RARRES2: variants seen among roughly 807,000 people sequenced by gnomAD.
RARRES2 encodes the protein retinoic acid receptor responder protein 2.
A neutral mutation model predicts 17.9 loss-of-function variants in RARRES2; 12 were observed. The ratio of observed to expected loss-of-function variants is 0.67; its 90% CI spans 0.43 to 1.08. The LOEUF is 1.08. RARRES2 is among the 50% of genes least tolerant of loss of function. RARRES2 has a pLI of 0.00. For missense variants in RARRES2, 220 were observed against 210.1 expected (o/e 1.05, Z -0.29); for synonymous variants, 82 against 86.8 (o/e 0.94, Z 0.31).
intron 5 of RARRES2, 65 bp from the exon 6 acceptor site, chr7:150,338,504 CTCCCAGGCTTCT>C (rs1798390533): frequency 2.6e-6 from 4 of 1,517,938 alleles, no homozygotes; most frequent in Non-Finnish European, 3.5e-6. Flanking sequence ...CCCAGCTTTC[CTCCCAGGCTTCT>C]GACCTGTCCC....
Position 150,339,099 on chromosome 7 carries a change from G to C in RARRES2, c.280-18C>G, listed in dbSNP as rs1409102958. The C allele has an allele frequency of 6.4e-7, 1 of 1,570,516 alleles. No homozygotes were observed. The highest frequency in any genetic ancestry group is 1.7e-5 in the Admixed American group (1 of 59,918). On this transcript the variant is annotated intron_variant, in intron 3 of 5. Coordinates refer to ENST00000223271, the MANE Select transcript of RARRES2 (RefSeq NM_002889.4). Reference sequence around the variant, plus strand: ...CGTTTCCTCTGTGGGGGAGCGGGGAGCATGGGGTGAGCAGAGGAAAAGGGT... The same window carrying C: ...CGTTTCCTCTGTGGGGGAGCGGGGACCATGGGGTGAGCAGAGGAAAAGGGT...
At position 150,340,419 on chromosome 7, in the gene RARRES2, C is replaced by G; in HGVS notation, c.174+17G>C. On this transcript the variant is annotated intron_variant, in intron 2 of 5. Coordinates refer to ENST00000223271, the MANE Select transcript of RARRES2 (RefSeq NM_002889.4). ...GGGTACGACCCTCCCCGCTCCTGCC[C>G]GGGCCATGCTACTCACCGTGTCCAC... 1.9e-6 allele frequency: 3 copies of G among 1,583,980 alleles called. No individual in the cohort carries two copies. The highest frequency in any genetic ancestry group is 2.6e-6 in the Non-Finnish European group (3 of 1,161,846).
intron 3 of RARRES2, among the ~76,000 whole-genome samples, 177 bp downstream of exon 3, chr7:150,339,923 G>A (rs1798438685): frequency 6.6e-6 from 1 of 152,154 alleles, no homozygotes; most frequent in African/African-American, 2.4e-5. Context: ...CTTGGGCTCA[G>A]GCTGAGCCAC....
rs1798462922 is a variant in RARRES2, at chr7:150,340,625, T to C, written c.-16A>G. 6.7e-7 allele frequency: 1 copy of C among 1,488,884 alleles called. No individual in the cohort carries two copies. The highest frequency in any genetic ancestry group is 9.0e-7 in the Non-Finnish European group (1 of 1,116,972). The allele number at this position is 1,488,884 out of a possible 1,614,324, so 92.2% of individuals were successfully genotyped here. On this transcript the variant is annotated 5_prime_UTR_variant, in exon 2 of 6. Transcript: ENST00000223271. ...GCCGTCGCATGCTTCCGTGTCACCC[T>C]GGCCCTGCGAAGCGGGTGTGCGCCC...
chr7:150,339,726 C>G (rs1323903191), intron 3 of RARRES2, among the ~76,000 whole-genome samples: 1 of 152,076 alleles, frequency 6.6e-6, no homozygotes, highest in African/African-American at 2.4e-5. Flanking sequence ...TGACTGATGA[C>G]TGGAGTCCTG....
Position 150,338,605 on chromosome 7 carries a change from T to C in RARRES2, c.*10+10A>G. On this transcript the variant is annotated intron_variant, in intron 5 of 5. Transcript: ENST00000223271. Reference sequence around the variant, plus strand: ...CATCCAGACGGTGCTCTCAGCCCCCTGGTGCCTACCAGTGCTGGCTTAGCT... The same window carrying C: ...CATCCAGACGGTGCTCTCAGCCCCCCGGTGCCTACCAGTGCTGGCTTAGCT... 1.9e-6 allele frequency: 3 copies of C among 1,552,076 alleles called. No homozygotes were observed. The highest frequency in any genetic ancestry group is 2.4e-5 in the South Asian group (2 of 84,062).
chr7:150,341,124 C>G (rs1798479615), intron 1 of RARRES2: 1 of 153,336 alleles, frequency 6.5e-6, no homozygotes, highest in Non-Finnish European at 1.5e-5. Context: ...GGGCCGGAGG[C>G]CGAATACTTT....
chr7:150,339,433 C>T (rs918382100), intron 3 of RARRES2, among the ~76,000 whole-genome samples: 3 of 152,094 alleles, frequency 2.0e-5, no homozygotes, highest in African/African-American at 4.8e-5. Context: ...TGCTTGTGCT[C>T]GTGTGAAGGC....
chr7:150,340,256 G>C, intron 2 of RARRES2, 52 bp from the exon 3 acceptor site: 1 of 1,594,914 alleles, frequency 6.3e-7, no homozygotes, highest in African/African-American at 1.3e-5. Flanking sequence ...TGAGGGTGCA[G>C]AGCAAGCCCT....
chr7:150,341,353 T>C (rs1798485643), intron 1 of RARRES2: 1 of 152,488 alleles, frequency 6.6e-6, no homozygotes. Flanking sequence ...CTAGCCCTTC[T>C]GATCCGTCCC....
chr7:150,338,671 T>C lies in RARRES2; in HGVS notation c.446A>G (p.Tyr149Cys). The C allele has an allele frequency of 3.9e-6, 6 of 1,555,648 alleles. No homozygotes were observed. The highest frequency in any genetic ancestry group is 5.2e-6 in the Non-Finnish European group (6 of 1,149,134). Residue 149 changes from tyrosine to cysteine, a missense_variant, in exon 5 of 6, where the codon TAC becomes TGC. Physicochemically the swap from Tyr to Cys is radical, Grantham distance 194 (BLOSUM62 -2). Coordinates refer to ENST00000223271, the MANE Select transcript of RARRES2 (RefSeq NM_002889.4). The stretch of plus-strand genomic sequence containing the variant: ...GGAGAAGGCGAACTGTCCAGGGAAG[T>C]AGAAGCTGTGGGGGTCCTCACCAGC... ...QRAGEDPHSF[Y>C]FPGQFAFSKA...
Position 150,338,751 on chromosome 7 carries a change from C to G in RARRES2, c.376-10G>C. ...GGTGCTCCTCAGCCTCCTGCCAGTG[C>G]CCAAAACTGTTCAGGCAGTGTAGGA... On this transcript the variant is annotated splice_polypyrimidine_tract_variant and intron_variant, in intron 4 of 5. Coordinates refer to ENST00000223271, the MANE Select transcript of RARRES2 (RefSeq NM_002889.4). 1 of 1,559,004 alleles carries G rather than the reference C, an allele frequency of 6.4e-7. No homozygotes were observed. The highest frequency in any genetic ancestry group is 8.7e-7 in the Non-Finnish European group (1 of 1,150,972).
chr7:150,340,699 G>A (rs1798465505), intron 1 of RARRES2, 70 bp from the exon 2 acceptor site: 1 of 1,338,078 alleles, frequency 7.5e-7, no homozygotes, highest in African/African-American at 1.7e-5. Context: ...GCCCTGCTCT[G>A]GGGGGAGGGT....
Position 150,338,636 on chromosome 7 carries a change from G to T in RARRES2, c.481C>A (p.Pro161Thr). Residue 161 changes from proline (P) to threonine (T), a missense_variant, in exon 5 of 6, where the codon CCC (proline) becomes ACC (threonine). By Grantham distance (38) the Pro-to-Thr change is conservative (BLOSUM62 -1). Transcript: ENST00000223271. ...PGQFAFSKALPRS is the reference protein window; with the variant it reads ...PGQFAFSKALTRS Reference sequence around the variant, plus strand: ...CTACCAGTGCTGGCTTAGCTGCGGGGCAGGGCCTTGGAGAAGGCGAACTGT... The same window carrying T: ...CTACCAGTGCTGGCTTAGCTGCGGGTCAGGGCCTTGGAGAAGGCGAACTGT... The T allele has an allele frequency of 1.9e-6, 3 of 1,554,802 alleles. No homozygotes were observed. The highest frequency in any genetic ancestry group is 2.6e-6 in the Non-Finnish European group (3 of 1,148,582).
At position 150,340,122 on chromosome 7, in the gene RARRES2, TCG is replaced by T; in HGVS notation, c.255_256del (p.Glu86ValfsTer21). ...CACCCCATTGGGCCTGACTTTGCAC[TCG>T]GGTTTCTTCCAGTCCCTCTTCCGGC... is the stretch of plus-strand genomic sequence containing the variant. On this transcript the variant is annotated frameshift_variant, in exon 3 of 6. Transcript: ENST00000223271. LOFTEE classifies it high-confidence loss of function. 6.2e-7 allele frequency: 1 copy of T among 1,614,146 alleles called. No individual in the cohort carries two copies. Among genetic ancestry groups the T allele is most frequent in the Non-Finnish European group, 8.5e-7 (1 of 1,180,000 alleles).
Position 150,338,711 on chromosome 7 carries a change from G to A in RARRES2, c.406C>T (p.Leu136Phe), listed in dbSNP as rs976242528. The change falls in exon 5 of 6, where the codon CTC (leucine) becomes TTC (phenylalanine). Residue 136 changes from leucine (L) to phenylalanine (F), a missense_variant. Physicochemically the swap from Leu to Phe is conservative, Grantham distance 22 (BLOSUM62 0). Coordinates refer to ENST00000223271, the MANE Select transcript of RARRES2 (RefSeq NM_002889.4). ...TCCTCACCAGCCCGCTGCACCCTGAGGCACTGGGTCTCCTGGTGCTCCTCA... is the reference window on the plus strand; with the variant it reads ...TCCTCACCAGCCCGCTGCACCCTGAAGCACTGGGTCTCCTGGTGCTCCTCA... ...EAEEHQETQCLRVQRAGEDPH... is the reference protein window; with the variant it reads ...EAEEHQETQCFRVQRAGEDPH... The A allele has an allele frequency of 1.3e-6, 2 of 1,555,652 alleles. No homozygotes were observed. Among genetic ancestry groups the A allele is most frequent in the Non-Finnish European group, 1.7e-6 (2 of 1,149,200 alleles).
intron 1 of RARRES2, 34 bp from the exon 2 acceptor site, chr7:150,340,663 A>G: frequency 6.3e-6 from 9 of 1,431,736 alleles, no homozygotes; most frequent in Non-Finnish European, 8.2e-6. Context: ...CAGCTCTCCG[A>G]GCCAGCCCGA....
At chr7:150,338,560 A>G in intron 5 of RARRES2, 55 bp downstream of exon 5, 2 of 1,531,586 alleles carry the variant, frequency 1.3e-6, no homozygotes, top group Non-Finnish European at 1.8e-6. Flanking sequence ...CCAGCCCCTC[A>G]GCATTCCCAG....
At position 150,338,361 on chromosome 7, in the gene RARRES2, T is replaced by C. The variant is rs1380746136; in HGVS notation, c.*89A>G. On this transcript the variant is annotated 3_prime_UTR_variant, in exon 6 of 6. Coordinates refer to ENST00000223271, the MANE Select transcript of RARRES2 (RefSeq NM_002889.4). ...GCAGCTTTATTATCATGGCTGGGGA[T>C]AGAACGGGTTCCTCTCCCTGGGGGC... The C allele has an allele frequency of 2.7e-6, 4 of 1,455,256 alleles. No individual in the cohort carries two copies. The highest frequency in any genetic ancestry group is 1.2e-5 in the South Asian group (1 of 82,474). 90.1% of individuals were successfully genotyped at this position (1,455,256 alleles called of 1,614,324 possible).
Sources: allele counts gnomAD v4.1 joint callset (sites outside exome capture counted in the v4.1 genomes callset), GRCh38; gene constraint gnomAD v4.1.1; transcripts MANE v1.5; gene names NCBI Gene and HGNC (gene_info 2026-07-23, HGNC 2026-07-21).